The following ZNF143 variants were observed in gnomAD, a reference collection of about 807,000 sequenced individuals.
ZNF143 encodes the protein zinc finger protein 143.
In ZNF143, 49 loss-of-function variants were observed where a neutral mutation model predicts 74.1. The ratio of observed to expected loss-of-function variants is 0.66; its 90% CI spans 0.53 to 0.84. The LOEUF is 0.84. ZNF143 is among the 40% of genes least tolerant of loss of function. The pLI is 0.00. For synonymous variants in ZNF143, 304 were observed against 282.8 expected (o/e 1.07, Z -0.75); for missense variants, 637 against 793.4 (o/e 0.80, Z 2.37).
intron 14 of ZNF143, among the ~76,000 whole-genome samples, chr11:9,518,452 C>G (rs767622599): frequency 6.6e-6 from 1 of 152,224 alleles, no homozygotes; most frequent in Non-Finnish European, 1.5e-5. Flanking sequence ...GTGGCTCACG[C>G]CTGTAATCCC....
chr11:9,525,542 G>A, intron 15 of ZNF143, 156 bp downstream of exon 15: 1 of 985,498 alleles, frequency 1.0e-6, no homozygotes, highest in Non-Finnish European at 1.6e-6. Flanking sequence ...TATTTGAGGT[G>A]GACTCAAAAA....
intron 8 of ZNF143, among the ~76,000 whole-genome samples, chr11:9,495,662 C>T (rs765041530): frequency 6.6e-6 from 1 of 152,148 alleles, no homozygotes; most frequent in Non-Finnish European, 1.5e-5. Context: ...ACCTCATTTT[C>T]CTCATCTATA....
intron 15 of ZNF143, among the ~76,000 whole-genome samples, chr11:9,526,346 C>A (rs1849125835): frequency 6.6e-6 from 1 of 151,852 alleles, no homozygotes; most frequent in African/African-American, 2.4e-5. Flanking sequence ...AGAGCGAGAC[C>A]CTGTCTCAAA....
chr11:9,481,248 C>T (rs917884627), intron 7 of ZNF143, among the ~76,000 whole-genome samples: 16 of 152,160 alleles, frequency 1.1e-4, no homozygotes, highest in African/African-American at 3.4e-4. Context: ...ATTAGCAAGG[C>T]ATGGTGGCAC....
chr11:9,478,378 C>T lies in ZNF143; in HGVS notation c.374-12C>T. 1.3e-6 allele frequency: 2 copies of T among 1,597,912 alleles called. No individual in the cohort carries two copies. The highest frequency in any genetic ancestry group is 2.7e-5 in the African/African-American group (2 of 74,788). Reference sequence around the variant, plus strand: ...ACCTTTAATTTAATGGCATTCTCTTCCACTCTCTCAGATAGTTATGACCAG... The same window carrying T: ...ACCTTTAATTTAATGGCATTCTCTTTCACTCTCTCAGATAGTTATGACCAG... On this transcript the variant is annotated splice_polypyrimidine_tract_variant and intron_variant, in intron 5 of 15. Coordinates refer to ENST00000396602, the MANE Select transcript of ZNF143 (RefSeq NM_003442.6).
chr11:9,512,144 C>T lies in ZNF143; in HGVS notation c.1376-304C>T, dbSNP rs367921652. On this transcript the variant is annotated intron_variant, in intron 12 of 15. Transcript: ENST00000396602. ...TTTCCTGTACAGTTCCTCCCCTCTC[C>T]GCCCCTAATACACATATAGTATCAA... Among the ~76,000 whole-genome samples, 30 of 152,166 alleles carry T rather than the reference C, an allele frequency of 2.0e-4. 1 individual carries two copies. Among genetic ancestry groups the T allele is most frequent in the African/African-American group, 7.2e-4 (30 of 41,514 alleles).
intron 1 of ZNF143, among the ~76,000 whole-genome samples, chr11:9,468,293 C>T (rs1031549561): frequency 3.3e-5 from 5 of 152,188 alleles, no homozygotes; most frequent in Non-Finnish European, 4.4e-5. Flanking sequence ...AATGGGGATA[C>T]CTAATGACTA....
intron 1 of ZNF143, among the ~76,000 whole-genome samples, chr11:9,467,039 G>T (rs1856273648): frequency 6.6e-6 from 1 of 151,370 alleles, no homozygotes; most frequent in African/African-American, 2.4e-5. Flanking sequence ...GACTACAGGT[G>T]CATGCCACCG....
intron 7 of ZNF143, among the ~76,000 whole-genome samples, chr11:9,486,387 AAT>A (rs1449341027): frequency 5.6e-5 from 1 of 18,008 alleles, no homozygotes; most frequent in Non-Finnish European, 1.0e-4. Context: ...TTATATATAT[AAT>A]ATATATAATA....
chr11:9,493,316 C>T (rs1009498158), intron 7 of ZNF143, among the ~76,000 whole-genome samples: 8 of 152,004 alleles, frequency 5.3e-5, no homozygotes, highest in Non-Finnish European at 4.4e-5. Context: ...GTGACCCGCC[C>T]GCCTCGGCCT....
intron 13 of ZNF143, among the ~76,000 whole-genome samples, chr11:9,513,769 CGTGTAGTTCCACCTA>C (rs1423980593): frequency 4.6e-5 from 7 of 152,180 alleles, no homozygotes; most frequent in Non-Finnish European, 1.0e-4. Context: ...GTGGCGCTCT[CGTGTAGTTCCACCTA>C]CTAGGTAGGC....
chr11:9,478,191 C>G (rs1847093105), intron 5 of ZNF143, among the ~76,000 whole-genome samples, 199 bp from the exon 6 acceptor site: 1 of 152,120 alleles, frequency 6.6e-6, no homozygotes, highest in African/African-American at 2.4e-5. Flanking sequence ...ACCTGAGTTC[C>G]CATTTATACA....
At chr11:9,519,577 A>G (rs1432253593) in intron 14 of ZNF143, among the ~76,000 whole-genome samples, 1 of 151,978 alleles carries the variant, frequency 6.6e-6, no homozygotes, top group Non-Finnish European at 1.5e-5. Flanking sequence ...ATTCTTTTTT[A>G]TTGCTGAGCA....
In ZNF143 at chr11:9,472,615, A is replaced by T. The variant is rs539403931; in HGVS notation, c.113-62A>T. ...TTTTTTCTGATCTTTATTTGAAAAA[A>T]AAATTAATCAGCATGTCCATATGCT... is the stretch of plus-strand genomic sequence containing the variant. On this transcript the variant is annotated intron_variant, in intron 2 of 15. Transcript: ENST00000396602. The T allele has an allele frequency of 7.0e-6, 10 of 1,428,934 alleles. No individual in the cohort carries two copies. In the African/African-American group the frequency reaches 1.3e-4, roughly 18 times the overall value. The allele number at this position is 1,428,934 out of a possible 1,614,324, so 88.5% of individuals were successfully genotyped here.
chr11:9,490,606 A>G (rs189200637), intron 7 of ZNF143, among the ~76,000 whole-genome samples: 220 of 152,054 alleles, frequency 1.4e-3, no homozygotes, highest in African/African-American at 4.7e-3. Flanking sequence ...GTTCTTCACT[A>G]TGGTATCCAG....
chr11:9,491,733 G>T (rs61876795), intron 7 of ZNF143, among the ~76,000 whole-genome samples: 4,282 of 152,112 alleles, frequency 0.028, 120 homozygotes, highest in Non-Finnish European at 0.044. Context: ...GGACTCGCGC[G>T]ATCCTCTCAC....
chr11:9,471,296 T>G lies in ZNF143; in HGVS notation c.-7-6T>G. 1 of 1,590,542 alleles carries G rather than the reference T, an allele frequency of 6.3e-7. No individual in the cohort carries two copies. The highest frequency in any genetic ancestry group is 8.5e-7 in the Non-Finnish European group (1 of 1,171,984). ...TTGTTCCCAAGTGTCTTTATTTTTCTTCAAGGTAGAAGATGTTGTTAGCCC... is the reference window on the plus strand; with the variant it reads ...TTGTTCCCAAGTGTCTTTATTTTTCGTCAAGGTAGAAGATGTTGTTAGCCC... On this transcript the variant is annotated splice_polypyrimidine_tract_variant and splice_region_variant and intron_variant, in intron 1 of 15. Transcript: ENST00000396602.
In ZNF143 at chr11:9,512,659, G is replaced by C. The variant is rs947153756; in HGVS notation, c.1524+63G>C. ...CTGTGAACCTGGGCTTGAAAGGCAG[G>C]CTGGGTCCCCATTGAGGAAAGCTTT... On this transcript the variant is annotated intron_variant, in intron 13 of 15. Coordinates refer to ENST00000396602, the MANE Select transcript of ZNF143 (RefSeq NM_003442.6). The C allele has an allele frequency of 1.7e-5, 27 of 1,598,924 alleles. No individual in the cohort carries two copies. The African/African-American group carries it at 3.5e-4, about 21-fold the overall frequency.
At position 9,525,101 on chromosome 11, in the gene ZNF143, A is replaced by G. The variant is rs563331165; in HGVS notation, c.1687-139A>G. The G allele has an allele frequency of 8.3e-4, 828 of 993,444 alleles. 4 individuals are homozygous for G. The highest frequency in any genetic ancestry group is 1.1e-3 in the Non-Finnish European group (741 of 690,796). 61.5% of individuals were successfully genotyped at this position (993,444 alleles called of 1,614,324 possible). A position where few individuals can be genotyped will look rare whatever the true frequency, so the allele number is the denominator to read the frequency against. ...ACTTCCTCAAATAAACCTCCTTTCA[A>G]TATAGGCTTTGACAAGTCTATGGTC... On this transcript the variant is annotated intron_variant, in intron 14 of 15. Coordinates refer to ENST00000396602, the MANE Select transcript of ZNF143 (RefSeq NM_003442.6).
Sources: gnomAD v4.1 joint callset for allele counts (sites outside exome capture counted in the v4.1 genomes callset) on GRCh38, gnomAD v4.1.1 for gene constraint, MANE v1.5 for transcripts, NCBI Gene and HGNC (gene_info 2026-07-23, HGNC 2026-07-21) for gene names.